Variants in OSBPL10 observed in about 807,000 individuals in gnomAD.
The protein encoded by OSBPL10 is oxysterol binding protein like 10.
OSBPL10 carries 49 observed loss-of-function variants against 81.7 expected under a neutral mutation model. That is an observed-to-expected ratio of 0.60 (90% confidence interval 0.48 to 0.76). The LOEUF (loss-of-function observed/expected upper bound fraction) is 0.76, where lower values mean the gene tolerates loss of function less well. Ranked by LOEUF, OSBPL10 falls within the 30% of genes least tolerant of loss-of-function variation. The pLI is 0.00. For synonymous variants in OSBPL10, 419 were observed against 383.6 expected (o/e 1.09, Z -1.08); for missense variants, 923 against 987.8 (o/e 0.93, Z 0.88).
chr3:31,810,036 T>C (rs150533686), intron 4 of OSBPL10, among the ~76,000 whole-genome samples: 1 of 151,960 alleles, frequency 6.6e-6, no homozygotes, highest in Non-Finnish European at 1.5e-5. Flanking sequence ...CACGCCCGGC[T>C]AATTTCGTAT....
chr3:31,925,752 G>T (rs573449034), intron 1 of OSBPL10, among the ~76,000 whole-genome samples: 1 of 152,214 alleles, frequency 6.6e-6, no homozygotes, highest in East Asian at 1.9e-4. Flanking sequence ...GACGGAGGTT[G>T]CAGTGAGCCG....
intron 3 of OSBPL10, among the ~76,000 whole-genome samples, chr3:31,860,655 C>A (rs1364178870): frequency 6.6e-6 from 1 of 151,926 alleles, no homozygotes; most frequent in African/African-American, 2.4e-5. Flanking sequence ...TTAAAAATAC[C>A]TTAGTTCTCT....
chr3:31,703,318 C>G (rs1231438080), intron 6 of OSBPL10, among the ~76,000 whole-genome samples: 43 of 152,138 alleles, frequency 2.8e-4, no homozygotes, highest in Non-Finnish European at 7.3e-5. Context: ...ATCCACATTC[C>G]ACACTCCACA....
At chr3:31,744,525 G>T (rs1214524847) in intron 5 of OSBPL10, among the ~76,000 whole-genome samples, 1 of 51,330 alleles carries the variant, frequency 1.9e-5, no homozygotes, top group Admixed American at 3.1e-4. Flanking sequence ...GTGATAGAGC[G>T]AGACTCCGTC....
intron 5 of OSBPL10, among the ~76,000 whole-genome samples, chr3:31,741,709 T>C (rs1697356914): frequency 6.6e-6 from 1 of 152,264 alleles, no homozygotes; most frequent in Non-Finnish European, 1.5e-5. Flanking sequence ...CCTATTGATA[T>C]GGTTTGGCTC....
chr3:32,067,773 C>T lies in OSBPL10; in HGVS notation n.185+9623G>A, dbSNP rs533461371. ...CCACAAAACATTGCTCCTAACTCCA[C>T]CACCTATCCTGAAACGTATGAGAAC... is the stretch of plus-strand genomic sequence containing the variant. On this transcript the variant is annotated intron_variant and non_coding_transcript_variant, in intron 1 of 3. Transcript: ENST00000479173. Among the ~76,000 whole-genome samples, 252 of 152,284 alleles carry T rather than the reference C, an allele frequency of 1.7e-3. 1 individual carries two copies. Among genetic ancestry groups the T allele is most frequent in the African/African-American group, 6.0e-3 (248 of 41,548 alleles).
At chr3:31,871,734 GT>G (rs1178074109) in intron 3 of OSBPL10, among the ~76,000 whole-genome samples, 1 of 152,208 alleles carries the variant, frequency 6.6e-6, no homozygotes, top group Non-Finnish European at 1.5e-5. Context: ...ATGATGGTGT[GT>G]GCCTGTGGCC....
chr3:32,003,520 A>G (rs947660870), intron 2 of OSBPL10, among the ~76,000 whole-genome samples: 6 of 152,216 alleles, frequency 3.9e-5, no homozygotes, highest in African/African-American at 1.4e-4. Flanking sequence ...GGAAAGGACA[A>G]GGACAACCAA....
chr3:31,915,234 T>C (rs1696721060), intron 1 of OSBPL10, among the ~76,000 whole-genome samples: 1 of 151,992 alleles, frequency 6.6e-6, no homozygotes, highest in South Asian at 2.1e-4. Flanking sequence ...TAAAATTTCC[T>C]CTTATTGGTG....
chr3:32,021,139 TG>T (rs1699359956), intron 2 of OSBPL10, among the ~76,000 whole-genome samples: 1 of 152,190 alleles, frequency 6.6e-6, no homozygotes, highest in South Asian at 2.1e-4. Flanking sequence ...TTAAAAGCCC[TG>T]TGTCCAAGTA....
At chr3:31,732,035 G>T (rs1421199686) in intron 6 of OSBPL10, among the ~76,000 whole-genome samples, 1 of 152,170 alleles carries the variant, frequency 6.6e-6, no homozygotes, top group African/African-American at 2.4e-5. Flanking sequence ...TTTTGCCCAA[G>T]AATGCTGCTA....
chr3:32,034,072 G>C (rs1699497795), intron 2 of OSBPL10, among the ~76,000 whole-genome samples: 1 of 152,144 alleles, frequency 6.6e-6, no homozygotes, highest in African/African-American at 2.4e-5. Flanking sequence ...GTGCAAGCAG[G>C]GGAAATGCCA....
intron 1 of OSBPL10, among the ~76,000 whole-genome samples, chr3:32,055,697 G>A (rs763660203): frequency 3.9e-5 from 6 of 152,102 alleles, no homozygotes; most frequent in Non-Finnish European, 5.9e-5. Context: ...GACTGGAATC[G>A]CCTGCTTTCC....
At chr3:31,918,497 TA>T (rs763952395) in intron 1 of OSBPL10, among the ~76,000 whole-genome samples, 1 of 135,416 alleles carries the variant, frequency 7.4e-6, no homozygotes, top group African/African-American at 2.5e-5. Flanking sequence ...GTTTTGTGTC[TA>T]AAGAGTTTGG....
chr3:31,685,413 G>A (rs1700766175), intron 7 of OSBPL10, among the ~76,000 whole-genome samples: 1 of 152,088 alleles, frequency 6.6e-6, no homozygotes, highest in South Asian at 2.1e-4. Context: ...ATGTTGCCCA[G>A]GCTCATTACA....
intron 1 of OSBPL10, among the ~76,000 whole-genome samples, chr3:31,978,656 T>C (rs1698747507): frequency 6.6e-6 from 1 of 152,010 alleles, no homozygotes; most frequent in South Asian, 2.1e-4. Context: ...GCTTATGGAG[T>C]CAGTGGTAGA....
At chr3:31,731,330 C>CA (rs1430815037) in intron 6 of OSBPL10, among the ~76,000 whole-genome samples, 1 of 152,130 alleles carries the variant, frequency 6.6e-6, no homozygotes, top group Non-Finnish European at 1.5e-5. Context: ...TACATGGAAT[C>CA]AAACAAAATC....
chr3:32,047,524 G>A (rs1238232759), intron 1 of OSBPL10, among the ~76,000 whole-genome samples: 5 of 152,224 alleles, frequency 3.3e-5, no homozygotes, highest in South Asian at 2.1e-4. Flanking sequence ...CTGTCATGGC[G>A]CTGGTAGGGG....
At chr3:31,809,685 A>G (rs566372803) in intron 4 of OSBPL10, among the ~76,000 whole-genome samples, 5 of 152,316 alleles carry the variant, frequency 3.3e-5, no homozygotes, top group African/African-American at 1.2e-4. Flanking sequence ...GACAACATGT[A>G]AAGTATTGTA....
Sources: gnomAD v4.1 joint callset for allele counts (sites outside exome capture counted in the v4.1 genomes callset) on GRCh38, gnomAD v4.1.1 for gene constraint, MANE v1.5 for transcripts, NCBI Gene and HGNC (gene_info 2026-07-23, HGNC 2026-07-21) for gene names.